HIPK2: variants seen among roughly 807,000 people sequenced by gnomAD.
The protein encoded by HIPK2 is homeodomain interacting protein kinase 2, also known as homeodomain-interacting protein kinase 2.
A neutral mutation model predicts 113.7 loss-of-function variants in HIPK2; 27 were observed. That is an observed-to-expected ratio of 0.24 (90% confidence interval 0.17 to 0.33). The LOEUF is 0.33. Among genes scored for constraint, HIPK2 ranks in the 10% least tolerant of loss-of-function variants. The pLI is 1.00. For synonymous variants in HIPK2, 631 were observed against 642.2 expected (o/e 0.98, Z 0.26); for missense variants, 1,257 against 1,588.0 (o/e 0.79, Z 3.54).
intron 2 of HIPK2, among the ~76,000 whole-genome samples, chr7:139,668,113 C>T (rs1393066241): frequency 8.3e-5 from 8 of 96,806 alleles, no homozygotes; most frequent in Non-Finnish European, 2.0e-5. Flanking sequence ...GTGACAAGCG[C>T]AAAACTCCAT....
At chr7:139,618,848 G>C (rs968441027) in intron 7 of HIPK2, among the ~76,000 whole-genome samples, 2 of 152,202 alleles carry the variant, frequency 1.3e-5, no homozygotes, top group Admixed American at 1.3e-4. Context: ...AGGTAGTTTG[G>C]GGTTAGGGAG....
At chr7:139,649,890 G>A (rs1282256492) in intron 2 of HIPK2, among the ~76,000 whole-genome samples, 2 of 152,142 alleles carry the variant, frequency 1.3e-5, no homozygotes, top group Admixed American at 1.3e-4. Context: ...AAGCAGACAG[G>A]GGTAAGCAGC....
intron 2 of HIPK2, among the ~76,000 whole-genome samples, chr7:139,671,359 A>G (rs1802288868): frequency 6.6e-6 from 1 of 152,180 alleles, no homozygotes; most frequent in African/African-American, 2.4e-5. Flanking sequence ...TGAACTTTGT[A>G]TTTACTGACT....
rs898142349 is a variant in HIPK2 at position 139,566,608 on chromosome 7, C to A, written c.*6319G>T. 1 of 152,258 alleles carries A rather than the reference C, an allele frequency of 6.6e-6. No individual in the cohort carries two copies. Among genetic ancestry groups the A allele is most frequent in the Non-Finnish European group, 1.5e-5 (1 of 68,042 alleles). The allele number at this position is 152,258 out of a possible 1,614,324, so 9.4% of individuals were successfully genotyped here. ...TCACTGCTTTATCCTTCCTTCAACA[C>A]CTGCCACTTCTCAGAGCATCCGGTC... On this transcript the variant is annotated 3_prime_UTR_variant, in exon 15 of 15. Coordinates refer to ENST00000406875, the MANE Select transcript of HIPK2 (RefSeq NM_022740.5). The surrounding 1 kb of genome is among the most constrained non-coding windows in gnomAD (Gnocchi z 4.1).
chr7:139,651,695 A>C (rs1801464583), intron 2 of HIPK2, among the ~76,000 whole-genome samples: 1 of 152,220 alleles, frequency 6.6e-6, no homozygotes. Context: ...AGAGGTACAC[A>C]ATTTGTTTTC....
At chr7:139,619,577 G>A (rs1800166483) in intron 7 of HIPK2, among the ~76,000 whole-genome samples, 2 of 152,182 alleles carry the variant, frequency 1.3e-5, no homozygotes, top group Admixed American at 1.3e-4. Context: ...GGATTCTGGT[G>A]ACAGGCTGAT....
chr7:139,644,468 C>T (rs1270084171), intron 2 of HIPK2, among the ~76,000 whole-genome samples: 1 of 152,236 alleles, frequency 6.6e-6, no homozygotes, highest in Non-Finnish European at 1.5e-5. Context: ...CCACTGTGCT[C>T]AGATGAGGCT....
intron 1 of HIPK2, among the ~76,000 whole-genome samples, chr7:139,764,251 G>A (rs1037203226): frequency 3.3e-5 from 5 of 152,104 alleles, no homozygotes; most frequent in East Asian, 1.9e-4. Context: ...CTGATACTAC[G>A]TATTGATCAG....
In HIPK2 at chr7:139,703,927, C is replaced by A. The variant is rs1424937358; in HGVS notation, c.1103+12005G>T. Among the ~76,000 whole-genome samples, 5 of 141,300 alleles carry A rather than the reference C, an allele frequency of 3.5e-5. No homozygotes were observed. The South Asian group carries it at 7.2e-4, about 20-fold the overall frequency. The allele number at this position is 141,300 out of a possible 152,430, so 92.7% of individuals were successfully genotyped here. A position where few individuals can be genotyped will look rare whatever the true frequency, so the allele number is the denominator to read the frequency against. ...ACTACACCCAACACATACAACCCCT[C>A]CACACCCACACTATATCCAACATAC... On this transcript the variant is annotated intron_variant, in intron 2 of 14. Coordinates refer to ENST00000406875, the MANE Select transcript of HIPK2 (RefSeq NM_022740.5).
intron 2 of HIPK2, among the ~76,000 whole-genome samples, chr7:139,680,578 T>C (rs1458340006): frequency 6.6e-6 from 1 of 152,232 alleles, no homozygotes; most frequent in Non-Finnish European, 1.5e-5. Flanking sequence ...AGGAACAAAG[T>C]AACCAGGGAT....
intron 2 of HIPK2, among the ~76,000 whole-genome samples, chr7:139,649,565 C>G (rs1167792148): frequency 1.4e-5 from 2 of 146,662 alleles, no homozygotes; most frequent in Admixed American, 6.8e-5. Flanking sequence ...GTGTGTGTGT[C>G]TCCTGCTGTT....
chr7:139,580,968 C>A (rs1243541586), intron 13 of HIPK2, among the ~76,000 whole-genome samples: 1 of 152,152 alleles, frequency 6.6e-6, no homozygotes, highest in Admixed American at 6.5e-5. Flanking sequence ...GCCTGTAATC[C>A]CAGCACTTTG....
At chr7:139,646,282 G>A (rs1458758537) in intron 2 of HIPK2, among the ~76,000 whole-genome samples, 2 of 152,070 alleles carry the variant, frequency 1.3e-5, no homozygotes, top group Non-Finnish European at 2.9e-5. Flanking sequence ...GATCACTTGA[G>A]GCCAGGAGTT....
intron 1 of HIPK2, among the ~76,000 whole-genome samples, chr7:139,735,724 T>G (rs1585438226): frequency 6.6e-6 from 1 of 152,142 alleles, no homozygotes; most frequent in African/African-American, 2.4e-5. Context: ...CAGCGACCCC[T>G]TTACACACGA....
At chr7:139,736,793 C>T (rs1008921830) in intron 1 of HIPK2, among the ~76,000 whole-genome samples, 2 of 152,212 alleles carry the variant, frequency 1.3e-5, no homozygotes, top group Admixed American at 6.5e-5. Context: ...CCTCATGTTA[C>T]GCATAAGATA....
At chr7:139,751,649 G>T (rs185994896) in intron 1 of HIPK2, among the ~76,000 whole-genome samples, 1 of 151,858 alleles carries the variant, frequency 6.6e-6, no homozygotes, top group Non-Finnish European at 1.5e-5. Context: ...TATTTCTGCT[G>T]GGCCAACCAT....
chr7:139,601,949 C>CTTT (rs1053542551), intron 10 of HIPK2, among the ~76,000 whole-genome samples: 283 of 116,266 alleles, frequency 2.4e-3, no homozygotes, highest in Non-Finnish European at 3.4e-3. Context: ...ATTATGGCTT[C>CTTT]TTTTTTTTTT....
chr7:139,673,835 G>A (rs1802392932), intron 2 of HIPK2, among the ~76,000 whole-genome samples: 2 of 144,082 alleles, frequency 1.4e-5, no homozygotes, highest in South Asian at 4.4e-4. Context: ...ATCACTTGAG[G>A]TCAGGAGTTC....
rs566432087 is a variant in HIPK2 at position 139,600,735 on chromosome 7, G to A, written c.2256-139C>T. ...AGCTGTGCAGCTGCTGAAGGGATGAGCCTGGCCATGTGTGCTCAACGGGTG... is the reference window on the plus strand; with the variant it reads ...AGCTGTGCAGCTGCTGAAGGGATGAACCTGGCCATGTGTGCTCAACGGGTG... On this transcript the variant is annotated intron_variant, in intron 10 of 14. Transcript: ENST00000406875. The A allele has an allele frequency of 1.0e-4, 94 of 921,886 alleles. No homozygotes were observed. In the African/African-American group the frequency reaches 1.5e-3, roughly 15 times the overall value. The allele number at this position is 921,886 out of a possible 1,614,324, so 57.1% of individuals were successfully genotyped here.
Sources: gnomAD v4.1 joint callset for allele counts (sites outside exome capture counted in the v4.1 genomes callset) on GRCh38, gnomAD v4.1.1 for gene constraint, Gnocchi (gnomAD v3.1) non-coding constraint, MANE v1.5 for transcripts, NCBI Gene and HGNC (gene_info 2026-07-23, HGNC 2026-07-21) for gene names.